Variants in PLXNA4 observed in about 807,000 individuals in gnomAD.
PLXNA4 encodes the protein plexin A4.
Under a neutral mutation model 191.8 loss-of-function variants are expected in PLXNA4, and 44 were observed. That is an observed-to-expected ratio of 0.23 (90% CI 0.18 to 0.29). The LOEUF is 0.29. Ranked by LOEUF, PLXNA4 falls within the 10% of genes least tolerant of loss-of-function variation. PLXNA4 has a pLI of 1.00. For missense variants in PLXNA4, 1,800 were observed against 2,488.8 expected, an observed-to-expected ratio of 0.72 and a Z score of 5.89; for synonymous variants, 1,082 against 1,009.5, an observed-to-expected ratio of 1.07 and a Z score of -1.36.
chr7:132,148,525 T>C lies in PLXNA4; in HGVS notation c.4764+18A>G. The stretch of plus-strand genomic sequence containing the variant: ...ACTTGTAGTTGGCTAGCTCCTCCCC[T>C]TTCCACATTCCCCTCACCTGGTAGT... On this transcript the variant is annotated intron_variant, in intron 26 of 31. Transcript: ENST00000321063. The C allele has an allele frequency of 6.2e-7, 1 of 1,613,966 alleles. No individual in the cohort carries two copies. Among genetic ancestry groups the C allele is most frequent in the South Asian group, 1.1e-5 (1 of 91,036 alleles).
chr7:132,493,392 G>A (rs921970960), intron 2 of PLXNA4, among the ~76,000 whole-genome samples: 9 of 152,182 alleles, frequency 5.9e-5, no homozygotes, highest in East Asian at 5.8e-4. Flanking sequence ...ACTCTCACAA[G>A]GAAAGGAAAT....
At chr7:132,336,855 G>A (rs998477783) in intron 3 of PLXNA4, among the ~76,000 whole-genome samples, 2 of 152,232 alleles carry the variant, frequency 1.3e-5, no homozygotes, top group African/African-American at 4.8e-5. Context: ...CATGAGGGTA[G>A]CAGCCAAGCC....
At chr7:132,305,888 G>A (rs1314609750) in intron 3 of PLXNA4, among the ~76,000 whole-genome samples, 1 of 151,980 alleles carries the variant, frequency 6.6e-6, no homozygotes, top group Non-Finnish European at 1.5e-5. Context: ...ACTTCCTAAT[G>A]GAGGTCTACA....
intron 4 of PLXNA4, among the ~76,000 whole-genome samples, chr7:132,247,097 A>G (rs1335416040): frequency 6.6e-6 from 1 of 152,028 alleles, no homozygotes; most frequent in African/African-American, 2.4e-5. Flanking sequence ...TTTCTCTGAT[A>G]TTTCGAAAGA....
At chr7:132,185,629 C>G (rs185505054) in intron 15 of PLXNA4, among the ~76,000 whole-genome samples, 166 bp from the exon 16 acceptor site, 1 of 152,344 alleles carries the variant, frequency 6.6e-6, no homozygotes, top group East Asian at 1.9e-4. Flanking sequence ...CTCTCCTTGG[C>G]CAAACTTTAG....
chr7:132,259,785 A>C (rs1018881238), intron 4 of PLXNA4, among the ~76,000 whole-genome samples: 8 of 152,220 alleles, frequency 5.3e-5, no homozygotes, highest in Non-Finnish European at 1.0e-4. Flanking sequence ...ATGGAATATT[A>C]TTCAGTTCTA....
intron 3 of PLXNA4, chr7:132,484,830 C>G (rs371658417): frequency 2.0e-5 from 33 of 1,613,782 alleles, no homozygotes; most frequent in Non-Finnish European, 2.7e-5. Flanking sequence ...GAAGAATTCC[C>G]AGGTACATTT....
At chr7:132,451,800 C>T (rs1447126043) in intron 3 of PLXNA4, among the ~76,000 whole-genome samples, 1 of 152,214 alleles carries the variant, frequency 6.6e-6, no homozygotes, top group Admixed American at 6.5e-5. Flanking sequence ...CCCAGTGGCC[C>T]AGGAGTGATT....
Position 132,130,296 on chromosome 7 carries a change from T to C in PLXNA4, c.*183A>G. ...GGTCCAATCGTGTTGGCAGAGCAAC[T>C]GGAAGAGAAGAGATCCAGGAAGGAG... On this transcript the variant is annotated 3_prime_UTR_variant, in exon 32 of 32. Transcript: ENST00000321063. The C allele has an allele frequency of 1.2e-6, 1 of 838,560 alleles. No individual in the cohort carries two copies. The allele number at this position is 838,560 out of a possible 1,614,324, so 51.9% of individuals were successfully genotyped here.
In PLXNA4 at chr7:132,203,255, G is replaced by A. The variant is rs10237007; in HGVS notation, c.2395+68C>T. On this transcript the variant is annotated intron_variant, in intron 11 of 31. Transcript: ENST00000321063. Reference sequence around the variant, plus strand: ...CAGAATGACTCCCGCGAGAATGCAGGACGGCTCCTTCCCTCTCTACCCCAT... The same window carrying A: ...CAGAATGACTCCCGCGAGAATGCAGAACGGCTCCTTCCCTCTCTACCCCAT... 361 of 1,436,580 alleles carry A rather than the reference G, an allele frequency of 2.5e-4. 3 individuals are homozygous for A. The African/African-American group carries it at 4.3e-3, about 17-fold the overall frequency. 89.0% of individuals were successfully genotyped at this position (1,436,580 alleles called of 1,614,324 possible).
At chr7:132,371,364 C>T (rs1385129358) in intron 3 of PLXNA4, among the ~76,000 whole-genome samples, 1 of 152,186 alleles carries the variant, frequency 6.6e-6, no homozygotes, top group African/African-American at 2.4e-5. Context: ...AAGTGGCCCA[C>T]CATCCTCAGC....
In PLXNA4 at chr7:132,129,985, G is replaced by A. The variant is rs1794879275; in HGVS notation, c.*494C>T. The A allele has an allele frequency of 6.0e-6, 1 of 166,018 alleles. No homozygotes were observed. Among genetic ancestry groups the A allele is most frequent in the African/African-American group, 2.4e-5 (1 of 42,090 alleles). 10.3% of individuals were successfully genotyped at this position (166,018 alleles called of 1,614,324 possible). A position where few individuals can be genotyped will look rare whatever the true frequency, so the allele number is the denominator to read the frequency against. On this transcript the variant is annotated 3_prime_UTR_variant, in exon 32 of 32. Coordinates refer to ENST00000321063, the MANE Select transcript of PLXNA4 (RefSeq NM_020911.2). ...TGAACCACTGGAGATGGAACTGTGGGAAGGGAGAGCCAGGTGATGTCTTCC... is the reference window on the plus strand; with the variant it reads ...TGAACCACTGGAGATGGAACTGTGGAAAGGGAGAGCCAGGTGATGTCTTCC...
rs12534127 is a variant in PLXNA4, at chr7:132,624,125, C to G, written c.-87+21803G>C. On this transcript the variant is annotated intron_variant, in intron 2 of 4. Transcript: ENST00000378539. ...TTGTCATTTAATAGAAACAGAATGT[C>G]AGAGAGATTTGGTGACATGCTCAGT... 5.5e-3 allele frequency among the ~76,000 whole-genome samples: 831 copies of G among 152,244 alleles called. 7 individuals are homozygous for G. The highest frequency in any genetic ancestry group is 0.027 in the Middle Eastern group (8 of 294).
chr7:132,137,057 T>A (rs896916303), intron 30 of PLXNA4, among the ~76,000 whole-genome samples: 1 of 152,186 alleles, frequency 6.6e-6, no homozygotes, highest in African/African-American at 2.4e-5. Context: ...AACTCACTCA[T>A]GATGGATACC....
chr7:132,132,506 TATTCTA>T (rs1563048616), intron 31 of PLXNA4, among the ~76,000 whole-genome samples: 27 of 117,062 alleles, frequency 2.3e-4, no homozygotes, highest in Admixed American at 6.6e-4. Flanking sequence ...TTTTCTATTC[TATTCTA>T]TTCTATTCTA....
chr7:132,631,338 G>A (rs1237528870), intron 2 of PLXNA4, among the ~76,000 whole-genome samples: 1 of 152,158 alleles, frequency 6.6e-6, no homozygotes, highest in Non-Finnish European at 1.5e-5. Context: ...TTATTCTTAA[G>A]GTGCCTTAGT....
chr7:132,134,464 A>C (rs187209835), intron 30 of PLXNA4, among the ~76,000 whole-genome samples: 43 of 152,312 alleles, frequency 2.8e-4, no homozygotes, highest in African/African-American at 9.4e-4. Context: ...TCCCTGGGCT[A>C]GTGAGGGCTG....
At chr7:132,440,581 T>C (rs1260020075) in intron 3 of PLXNA4, among the ~76,000 whole-genome samples, 2 of 152,216 alleles carry the variant, frequency 1.3e-5, no homozygotes, top group African/African-American at 4.8e-5. Context: ...TGTGTGTTCA[T>C]AATTCTTCCT....
Position 132,326,496 on chromosome 7 carries a change from C to T in PLXNA4, c.1372-28274G>A, listed in dbSNP as rs1802362987. Among the ~76,000 whole-genome samples the T allele has an allele frequency of 2.0e-5, 3 of 152,112 alleles. No individual in the cohort carries two copies. The South Asian group carries it at 6.2e-4, about 32-fold the overall frequency. On this transcript the variant is annotated intron_variant, in intron 3 of 31. Coordinates refer to ENST00000321063, the MANE Select transcript of PLXNA4 (RefSeq NM_020911.2). Reference sequence around the variant, plus strand: ...ATGGTCTGGCCCCCTCTCTGTCCTACTCTTGCCCCTGCTCATTTCCCGTCC... The same window carrying T: ...ATGGTCTGGCCCCCTCTCTGTCCTATTCTTGCCCCTGCTCATTTCCCGTCC...
Sources: gnomAD v4.1 joint callset for allele counts (sites outside exome capture counted in the v4.1 genomes callset) on GRCh38, gnomAD v4.1.1 for gene constraint, MANE v1.5 for transcripts, NCBI Gene and HGNC (gene_info 2026-07-23, HGNC 2026-07-21) for gene names.